DST: variants seen among roughly 807,000 people sequenced by gnomAD.
The protein encoded by DST is bullous pemphigoid antigen.
In DST, 253 loss-of-function variants were observed where a neutral mutation model predicts 875.2. The observed-to-expected ratio is 0.29, with a 90% CI of 0.26 to 0.32. The LOEUF (loss-of-function observed/expected upper bound fraction) is 0.32, where lower values mean the gene tolerates loss of function less well. DST is among the 10% of genes least tolerant of loss of function. The pLI, the probability that DST is intolerant of heterozygous loss-of-function variation, is 1.00. For synonymous variants in DST, 3,124 were observed against 3,197.1 expected (o/e 0.98, Z 0.77); for missense variants, 8,287 against 9,111.6 (o/e 0.91, Z 3.68).
At chr6:56,884,781 T>C (rs529220831) in intron 3 of DST, among the ~76,000 whole-genome samples, 1 of 152,144 alleles carries the variant, frequency 6.6e-6, no homozygotes, top group Non-Finnish European at 1.5e-5. Flanking sequence ...CAGGCTGGAG[T>C]GCAATGGCGC....
Position 56,536,854 on chromosome 6 carries a change from G to A in DST, c.16695C>T (p.Ala5565=), listed in dbSNP as rs781765258. The A allele has an allele frequency of 6.2e-7, 1 of 1,613,212 alleles. No homozygotes were observed. The highest frequency in any genetic ancestry group is 1.1e-5 in the South Asian group (1 of 90,936). ...WLGQGLIQSA[A]KSTSTQGLEH... ...CCAAGCCCTGAGTGCTAGTGCTTTT[G>A]GCAGCACTCTGAATAAGGCCTTGAC... is the stretch of plus-strand genomic sequence containing the variant. Residue 5565 remains alanine (A), a synonymous_variant, in exon 62 of 104, where the codon GCC becomes GCT. Transcript: ENST00000680361.
At chr6:56,894,634 C>A (rs1389039083) in intron 3 of DST, among the ~76,000 whole-genome samples, 1 of 43,766 alleles carries the variant, frequency 2.3e-5, no homozygotes, top group Non-Finnish European at 4.1e-5. Context: ...ACCTCCCGGA[C>A]GGGGCGGCTG....
chr6:56,532,633 G>A, intron 63 of DST, 123 bp from the exon 64 acceptor site: 1 of 923,208 alleles, frequency 1.1e-6, no homozygotes, highest in Non-Finnish European at 1.6e-6. Context: ...ACATATGAAA[G>A]GATCTGAAAA....
chr6:56,515,517 A>T lies in DST; in HGVS notation c.18509T>A (p.Ile6170Asn). Residue 6170 changes from isoleucine (I) to asparagine (N), a missense_variant, in exon 72 of 104, where the codon ATC becomes AAC. Around this residue, in one of 10 missense-constraint regions of DST, gnomAD observed 1,292 missense variants for 1,552.7 expected, o/e 0.83. Transcript: ENST00000680361. ...LWPWLTETQSIISQLPAPALE... is the reference protein window; with the variant it reads ...LWPWLTETQSNISQLPAPALE... ...GGCTGGGGCGGGAAGCTGAGAGATG[A>T]TTGATTGTGTTTCTGTCAGCCATGG... 6.2e-7 allele frequency: 1 copy of T among 1,613,896 alleles called. No homozygotes were observed. Among genetic ancestry groups the T allele is most frequent in the Non-Finnish European group, 8.5e-7 (1 of 1,179,828 alleles).
In DST at chr6:56,493,924, C is replaced by T. The variant is rs1173969711; in HGVS notation, c.20394+86G>A. On this transcript the variant is annotated intron_variant, in intron 83 of 103. Coordinates refer to ENST00000680361, the MANE Select transcript of DST (RefSeq NM_001374736.1). ...ACATAAATCATTGAAAGTTCTACTC[C>T]TGATAGCTCTACTCAGAAATAAGGC... 4.6e-6 allele frequency: 5 copies of T among 1,088,354 alleles called. No individual in the cohort carries two copies. In the East Asian group the frequency reaches 1.3e-4, roughly 29 times the overall value. The allele number at this position is 1,088,354 out of a possible 1,614,324, so 67.4% of individuals were successfully genotyped here.
intron 5 of DST, among the ~76,000 whole-genome samples, chr6:56,711,632 T>C (rs923077504): frequency 4.6e-5 from 7 of 152,206 alleles, no homozygotes; most frequent in Non-Finnish European, 7.3e-5. Flanking sequence ...TCTTTTTTGG[T>C]ATCTGTCCAG....
chr6:56,684,010 C>T (rs1315981675), intron 9 of DST, among the ~76,000 whole-genome samples: 1 of 152,214 alleles, frequency 6.6e-6, no homozygotes, highest in Non-Finnish European at 1.5e-5. Context: ...ACACTGATTT[C>T]ATTCACAGCT....
At chr6:56,578,249 C>T (rs1308817824) in intron 50 of DST, among the ~76,000 whole-genome samples, 3 of 152,152 alleles carry the variant, frequency 2.0e-5, no homozygotes, top group African/African-American at 7.2e-5. Context: ...CAGAGCATTC[C>T]TGTAGTCCTT....
chr6:56,619,196 G>A, intron 36 of DST: 1 of 1,614,002 alleles, frequency 6.2e-7, no homozygotes, highest in East Asian at 2.2e-5. Context: ...AATTTTCAGT[G>A]CTTCACATCT....
At chr6:56,946,762 T>A (rs1460195776) in intron 2 of DST, among the ~76,000 whole-genome samples, 1 of 152,146 alleles carries the variant, frequency 6.6e-6, no homozygotes, top group Non-Finnish European at 1.5e-5. Flanking sequence ...TGGCTGAAGG[T>A]AAGGGAGTAG....
chr6:56,653,896 C>T (rs1266304610), intron 10 of DST, among the ~76,000 whole-genome samples: 1 of 152,130 alleles, frequency 6.6e-6, no homozygotes, highest in African/African-American at 2.4e-5. Flanking sequence ...GATAACACAA[C>T]CTTTAAAAAC....
In DST at chr6:56,651,020, G is replaced by T; in HGVS notation, c.1340C>A (p.Ser447Tyr). 4.3e-6 allele frequency: 7 copies of T among 1,610,410 alleles called. No homozygotes were observed. The highest frequency in any genetic ancestry group is 5.9e-6 in the Non-Finnish European group (7 of 1,177,140). The change falls in exon 12 of 104, where the codon TCC becomes TAC. Residue 447 changes from serine to tyrosine, a missense_variant. Physicochemically the swap from Ser to Tyr is moderately radical, Grantham distance 144. Coordinates refer to ENST00000680361, the MANE Select transcript of DST (RefSeq NM_001374736.1). The part of the protein sequence containing the change: ...RLLDPEDVDV[S>Y]SPDEKSVITY... ...TATTACTGATTTTTCATCAGGTGAG[G>T]AGACATCGACATCTAAAAACAGCAA...
Position 56,514,578 on chromosome 6 carries a change from T to TACAC in DST, c.18576+868_18576+871dup, listed in dbSNP as rs766261479. Among the ~76,000 whole-genome samples, 543 of 145,118 alleles carry TACAC rather than the reference T, an allele frequency of 3.7e-3. 3 individuals are homozygous for TACAC. Among genetic ancestry groups the TACAC allele is most frequent in the East Asian group, 0.022 (105 of 4,882 alleles). On this transcript the variant is annotated intron_variant, in intron 72 of 103. Coordinates refer to ENST00000680361, the MANE Select transcript of DST (RefSeq NM_001374736.1). Reference sequence around the variant, plus strand: ...TCCTTCTCTCTTGGGCACAGGCGTATACACACACACACACACACACACACA... The same window carrying TACAC: ...TCCTTCTCTCTTGGGCACAGGCGTATACACACACACACACACACACACACACACA...
At chr6:56,760,944 C>A (rs1319475217) in intron 4 of DST, among the ~76,000 whole-genome samples, 1 of 152,254 alleles carries the variant, frequency 6.6e-6, no homozygotes, top group Non-Finnish European at 1.5e-5. Context: ...CTTCTCCCTT[C>A]AAGAGCTAAT....
chr6:56,552,041 AC>A, intron 61 of DST, 142 bp downstream of exon 61: 1 of 911,110 alleles, frequency 1.1e-6, no homozygotes, highest in Non-Finnish European at 1.6e-6. Flanking sequence ...CCTGGGTGTT[AC>A]CCCCATATAT....
chr6:56,645,792 CTTAAG>C (rs2098939192), intron 15 of DST, 69 bp downstream of exon 15: 4 of 1,555,518 alleles, frequency 2.6e-6, no homozygotes, highest in Middle Eastern at 1.7e-4. Flanking sequence ...AGAGGTTTAA[CTTAAG>C]TTCTTTCACA....
Position 56,609,222 on chromosome 6 carries a change from T to C in DST, c.5406A>G (p.Leu1802=), listed in dbSNP as rs754132642. ...CTGGTGAAATTAGACCAGAAATCAT[T>C]AGCTGTGTCTCAAGCAACCTAATTC... The part of the protein sequence containing the change: ...DTGIRLLETQ[L]MISGLISPEL... Residue 1802 remains leucine (L), a synonymous_variant, in exon 40 of 104, where the codon CTA becomes CTG. Transcript: ENST00000680361. 5 of 1,613,638 alleles carry C rather than the reference T, an allele frequency of 3.1e-6. No individual in the cohort carries two copies. The East Asian group carries it at 1.1e-4, about 36-fold the overall frequency.
intron 3 of DST, chr6:56,871,310 T>C (rs1300178364): frequency 2.3e-5 from 19 of 833,762 alleles, no homozygotes; most frequent in Non-Finnish European, 3.6e-5. Context: ...AGGGTATGCA[T>C]ATACGAAAAG....
chr6:56,529,081 CT>C lies in DST; in HGVS notation c.17596-157del, dbSNP rs142288599. Among the ~76,000 whole-genome samples the C allele has an allele frequency of 4.8e-3, 732 of 152,216 alleles. 7 individuals carry two copies. Among genetic ancestry groups the C allele is most frequent in the African/African-American group, 0.016 (668 of 41,530 alleles). On this transcript the variant is annotated intron_variant, in intron 66 of 103. Coordinates refer to ENST00000680361, the MANE Select transcript of DST (RefSeq NM_001374736.1). ...GTTCTTATTGTTCCCATGTTTAGAC[CT>C]CTTCTTTTCACCTCTGTGGCCCATG...
Sources: allele counts gnomAD v4.1 joint callset (sites outside exome capture counted in the v4.1 genomes callset), GRCh38; gene constraint gnomAD v4.1.1; regional missense constraint gnomAD v4.1.1; transcripts MANE v1.5; gene names NCBI Gene and HGNC (gene_info 2026-07-23, HGNC 2026-07-21).